Variants in CELF2 observed in about 807,000 individuals in gnomAD.
CELF2 encodes CUGBP Elav-like family member 2.
CELF2 carries 8 observed loss-of-function variants against 62.6 expected under a neutral mutation model. That is an observed-to-expected ratio of 0.13 (90% CI 0.07 to 0.23). The LOEUF is 0.23. Among genes scored for constraint, CELF2 ranks in the 10% least tolerant of loss-of-function variants. The pLI, the probability that CELF2 is intolerant of heterozygous loss-of-function variation, is 1.00. For synonymous variants in CELF2, 258 were observed against 250.0 expected (o/e 1.03, Z -0.30); for missense variants, 333 against 671.0 (o/e 0.50, Z 5.56).
the CELF2 span, among the ~76,000 whole-genome samples, chr10:10,655,583 T>C: frequency 0.53 from 49,434 of 92,806 alleles, 17,921 homozygotes; most frequent in Non-Finnish European, 0.66. Context: ...CTACAACTAA[T>C]TGATCTTTGA....
the CELF2 span, among the ~76,000 whole-genome samples, chr10:10,742,246 T>C: frequency 6.6e-6 from 1 of 152,072 alleles, no homozygotes; most frequent in Admixed American, 6.5e-5. Context: ...CATAAAGTCA[T>C]AGTTTCCAAG....
chr10:10,976,662 C>A (rs890155663), intron 2 of CELF2, among the ~76,000 whole-genome samples: 2 of 152,096 alleles, frequency 1.3e-5, no homozygotes, highest in South Asian at 4.1e-4. Context: ...CCTAACAAGG[C>A]TTTGGAAATT....
At chr10:11,299,762 A>G (rs576431994) in intron 9 of CELF2, among the ~76,000 whole-genome samples, 3 of 151,718 alleles carry the variant, frequency 2.0e-5, no homozygotes, top group African/African-American at 7.3e-5. Context: ...CCAGAACCGT[A>G]TTTCTGGGTT....
chr10:10,493,104 G>A, the CELF2 span, among the ~76,000 whole-genome samples: 2 of 152,138 alleles, frequency 1.3e-5, no homozygotes, highest in Non-Finnish European at 2.9e-5. Flanking sequence ...ACCCTCTAAA[G>A]GAAGGACATT....
chr10:10,561,792 C>T, the CELF2 span, among the ~76,000 whole-genome samples: 1 of 152,266 alleles, frequency 6.6e-6, no homozygotes, highest in South Asian at 2.1e-4. Flanking sequence ...AGGACCCTTC[C>T]TGGCTGGGTG....
the CELF2 span, among the ~76,000 whole-genome samples, chr10:10,508,180 AAAT>A: frequency 5.9e-5 from 9 of 152,224 alleles, no homozygotes; most frequent in Middle Eastern, 3.4e-3. Context: ...AAAAAAAAAA[AAAT>A]ATTCATGCTC....
chr10:10,531,725 G>A, the CELF2 span, among the ~76,000 whole-genome samples: 126 of 152,256 alleles, frequency 8.3e-4, no homozygotes, highest in African/African-American at 2.8e-3. Flanking sequence ...TCTCACTTCT[G>A]TTTGATAAAT....
At chr10:11,301,962 C>T (rs1242289619) in intron 9 of CELF2, among the ~76,000 whole-genome samples, 5 of 152,180 alleles carry the variant, frequency 3.3e-5, no homozygotes, top group African/African-American at 1.2e-4. Context: ...GCCGCCTCCG[C>T]CTTCGCTGGA....
At chr10:10,537,991 G>T in the CELF2 span, among the ~76,000 whole-genome samples, 1 of 152,110 alleles carries the variant, frequency 6.6e-6, no homozygotes, top group Non-Finnish European at 1.5e-5. Flanking sequence ...GTCCCCAAGG[G>T]CTCTTCATGG....
chr10:10,901,585 G>T (rs9424114), intron 1 of CELF2, among the ~76,000 whole-genome samples: 1 of 152,080 alleles, frequency 6.6e-6, no homozygotes, highest in African/African-American at 2.4e-5. Flanking sequence ...GGAGAAAAAT[G>T]TCTGTGACTG....
At chr10:11,031,052 T>G (rs2060030891) in intron 1 of CELF2, among the ~76,000 whole-genome samples, 1 of 152,202 alleles carries the variant, frequency 6.6e-6, no homozygotes, top group Non-Finnish European at 1.5e-5. Flanking sequence ...CACCTGGCAT[T>G]TTCCCCCATT....
the CELF2 span, among the ~76,000 whole-genome samples, chr10:10,781,948 A>C: frequency 8.5e-5 from 13 of 152,252 alleles, no homozygotes; most frequent in Non-Finnish European, 1.9e-4. Context: ...AAATAATACA[A>C]ATTTAAAAAG....
chr10:11,183,982 A>G (rs1319062189), intron 2 of CELF2, among the ~76,000 whole-genome samples: 2 of 152,160 alleles, frequency 1.3e-5, no homozygotes, highest in African/African-American at 4.8e-5. Context: ...ATCAAAGAAA[A>G]CCTAACCCAA....
chr10:10,723,596 C>T, the CELF2 span, among the ~76,000 whole-genome samples: 1 of 152,134 alleles, frequency 6.6e-6, no homozygotes, highest in South Asian at 2.1e-4. Context: ...GCCCAGTGTA[C>T]ACAGTTCCTC....
chr10:11,320,045 T>C (rs961069188), intron 10 of CELF2, among the ~76,000 whole-genome samples: 2 of 152,184 alleles, frequency 1.3e-5, no homozygotes, highest in Non-Finnish European at 2.9e-5. Flanking sequence ...CCTACTTTCA[T>C]TGAGATTTTC....
intron 1 of CELF2, among the ~76,000 whole-genome samples, chr10:11,106,538 A>T (rs1475006934): frequency 6.6e-6 from 1 of 152,244 alleles, no homozygotes; most frequent in African/African-American, 2.4e-5. Context: ...CGCCCAGCCC[A>T]TCTTGACACT....
the CELF2 span, among the ~76,000 whole-genome samples, chr10:10,653,840 T>C: frequency 6.7e-6 from 1 of 149,838 alleles, no homozygotes; most frequent in African/African-American, 2.5e-5. Flanking sequence ...ATTCAAAAGC[T>C]AGCAGAAGGC....
Position 11,125,631 on chromosome 10 carries a change from G to A in CELF2, c.75-39855G>A, listed in dbSNP as rs139667877. 3.7e-3 allele frequency among the ~76,000 whole-genome samples: 564 copies of A among 152,110 alleles called. 3 individuals are homozygous for A. Among genetic ancestry groups the A allele is most frequent in the African/African-American group, 0.011 (457 of 41,478 alleles). ...TCATTTTAATTCACTCCAAAATGGC[G>A]CAGTGGTCCAGGGTTTATGCTGTTA... On this transcript the variant is annotated intron_variant, in intron 1 of 12. Coordinates refer to ENST00000633077, the MANE Select transcript of CELF2 (RefSeq NM_001326342.2).
At chr10:11,229,033 C>A (rs566064699) in intron 3 of CELF2, among the ~76,000 whole-genome samples, 1 of 152,288 alleles carries the variant, frequency 6.6e-6, no homozygotes, top group African/African-American at 2.4e-5. Flanking sequence ...AGAAGCACGT[C>A]CTGTCCAAGC....
Sources: gnomAD v4.1 joint callset for allele counts (sites outside exome capture counted in the v4.1 genomes callset) on GRCh38, gnomAD v4.1.1 for gene constraint, MANE v1.5 for transcripts, NCBI Gene and HGNC (gene_info 2026-07-23, HGNC 2026-07-21) for gene names.